RELN: variants seen among roughly 807,000 people sequenced by gnomAD.
RELN encodes the protein reelin.
Under a neutral mutation model 427.6 loss-of-function variants are expected in RELN, and 108 were observed. The ratio of observed to expected loss-of-function variants is 0.25; its 90% CI spans 0.22 to 0.30. The LOEUF (loss-of-function observed/expected upper bound fraction) is 0.30, where lower values mean the gene tolerates loss of function less well. RELN is among the 10% of genes least tolerant of loss of function. The pLI, the probability that RELN is intolerant of heterozygous loss-of-function variation, is 1.00. For missense variants in RELN, 3,715 were observed against 4,302.8 expected (o/e 0.86, Z 3.82); for synonymous variants, 1,524 against 1,513.4 (o/e 1.01, Z -0.16).
intron 29 of RELN, among the ~76,000 whole-genome samples, chr7:103,575,283 A>G (rs1830974022): frequency 6.6e-6 from 1 of 152,264 alleles, no homozygotes; most frequent in Admixed American, 6.5e-5. Flanking sequence ...GTAGGACCTC[A>G]AGCAGTATTA....
chr7:103,909,664 A>AAT lies in RELN; in HGVS notation c.337+7409_337+7410dup, dbSNP rs1299303087. 3.1e-3 allele frequency among the ~76,000 whole-genome samples: 237 copies of AAT among 77,092 alleles called. 64 individuals are homozygous for AAT. Among genetic ancestry groups the AAT allele is most frequent in the African/African-American group, 0.017 (229 of 13,702 alleles). The allele number at this position is 77,092 out of a possible 152,430, so 50.6% of individuals were successfully genotyped here. A position where few individuals can be genotyped will look rare whatever the true frequency, so the allele number is the denominator to read the frequency against. On this transcript the variant is annotated intron_variant, in intron 2 of 64. Transcript: ENST00000428762. ...TAAATATATATATTTAATATATATA[A>AAT]ATATATATTAAATATATTTAATAAA...
chr7:103,901,202 G>A (rs1430714252), intron 2 of RELN, among the ~76,000 whole-genome samples: 1 of 152,026 alleles, frequency 6.6e-6, no homozygotes, highest in Admixed American at 6.6e-5. Flanking sequence ...ACCACAATGA[G>A]ATACCACTTC....
Position 103,472,358 on chromosome 7 carries a change from G to C in RELN, c.*454C>G, listed in dbSNP as rs1253091418. On this transcript the variant is annotated 3_prime_UTR_variant, in exon 65 of 65. Coordinates refer to ENST00000428762, the MANE Select transcript of RELN (RefSeq NM_005045.4). ...AGTTTCAATGTGTTGTATTGTAGAA[G>C]AGAATACATAAAGGACAAACAATGA... The C allele has an allele frequency of 9.7e-6, 2 of 206,180 alleles. No homozygotes were observed. Among genetic ancestry groups the C allele is most frequent in the African/African-American group, 4.7e-5 (2 of 42,396 alleles). 12.8% of individuals were successfully genotyped at this position (206,180 alleles called of 1,614,324 possible).
In RELN at chr7:103,833,211, C is replaced by T. The variant is rs39368; in HGVS notation, c.473+326G>A. Among the ~76,000 whole-genome samples, 57,440 of 151,792 alleles carry T rather than the reference C, an allele frequency of 0.38. 11,219 individuals carry two copies. Among genetic ancestry groups the T allele is most frequent in the Non-Finnish European group, 0.42 (28,732 of 67,932 alleles). On this transcript the variant is annotated intron_variant, in intron 3 of 64. Coordinates refer to ENST00000428762, the MANE Select transcript of RELN (RefSeq NM_005045.4). ...TTCCAAATTTACTTCTCCTAACTGA[C>T]ACTTGGTACCCTTTAAAAAATTTCT...
rs762887200 is a variant in RELN at position 103,496,497 on chromosome 7, A to G, written c.9193+29T>C. The G allele has an allele frequency of 3.1e-6, 5 of 1,614,100 alleles. No homozygotes were observed. In the East Asian group the frequency reaches 1.1e-4, roughly 36 times the overall value. ...TAAGCAGAAAAATGGCTCACAGGAAAGAAAATTGTTCAATGTCTTGTTTCT... is the reference window on the plus strand; with the variant it reads ...TAAGCAGAAAAATGGCTCACAGGAAGGAAAATTGTTCAATGTCTTGTTTCT... On this transcript the variant is annotated intron_variant, in intron 56 of 64. Transcript: ENST00000428762.
At chr7:103,518,504 A>ATTTTTTTTTTTTTTTTTTTTT (rs1584258670) in intron 49 of RELN, among the ~76,000 whole-genome samples, 2 of 89,956 alleles carry the variant, frequency 2.2e-5, no homozygotes, top group African/African-American at 2.4e-4. Flanking sequence ...AGGTAATTTA[A>ATTTTTTTTTTTTTTTTTTTTT]GTTTTTTTTT....
At chr7:103,492,382 CCTAA>C (rs1306863505) in intron 57 of RELN, among the ~76,000 whole-genome samples, 3 of 152,054 alleles carry the variant, frequency 2.0e-5, no homozygotes, top group Non-Finnish European at 4.4e-5. Flanking sequence ...TCATTGATAG[CCTAA>C]CTTTCTTGAT....
chr7:103,602,750 C>T (rs1384181067), intron 24 of RELN, among the ~76,000 whole-genome samples: 2 of 152,014 alleles, frequency 1.3e-5, no homozygotes, highest in African/African-American at 4.8e-5. Context: ...TTGATGGGTA[C>T]AGCAAACCAC....
At chr7:103,545,728 A>G (rs550515306) in intron 41 of RELN, among the ~76,000 whole-genome samples, 1 of 151,664 alleles carries the variant, frequency 6.6e-6, no homozygotes, top group Non-Finnish European at 1.5e-5. Flanking sequence ...TGCAACCTCC[A>G]TCTCCCGGGT....
chr7:103,920,529 A>C (rs2116680661), intron 1 of RELN, among the ~76,000 whole-genome samples: 1 of 151,572 alleles, frequency 6.6e-6, no homozygotes, highest in East Asian at 1.9e-4. Flanking sequence ...GCCAAGTCTA[A>C]GTAGTGGGTA....
At chr7:103,800,831 T>C (rs1792444949) in intron 3 of RELN, among the ~76,000 whole-genome samples, 1 of 152,138 alleles carries the variant, frequency 6.6e-6, no homozygotes, top group Non-Finnish European at 1.5e-5. Flanking sequence ...AATCTACTCA[T>C]CTGACAAAGG....
chr7:103,989,056 G>A lies in RELN; in HGVS notation c.226+75C>T, dbSNP rs932544674. On this transcript the variant is annotated intron_variant, in intron 1 of 64. Coordinates refer to ENST00000428762, the MANE Select transcript of RELN (RefSeq NM_005045.4). The surrounding 1 kb of genome is among the most constrained non-coding windows in gnomAD (Gnocchi z 4.9). Reference sequence around the variant, plus strand: ...TTCTTGTTTCCAAGGCCCCTTGGAAGAAGGAAAGGGATGAGAAAGGTGCGC... The same window carrying A: ...TTCTTGTTTCCAAGGCCCCTTGGAAAAAGGAAAGGGATGAGAAAGGTGCGC... 14 of 1,337,714 alleles carry A rather than the reference G, an allele frequency of 1.0e-5. No individual in the cohort carries two copies. Among genetic ancestry groups the A allele is most frequent in the Non-Finnish European group, 1.5e-5 (14 of 930,924 alleles). 82.9% of individuals were successfully genotyped at this position (1,337,714 alleles called of 1,614,324 possible).
chr7:103,692,495 TG>T (rs1833892847), intron 10 of RELN, among the ~76,000 whole-genome samples: 1 of 152,226 alleles, frequency 6.6e-6, no homozygotes, highest in African/African-American at 2.4e-5. Flanking sequence ...TAGTTGGGAT[TG>T]GGGGTGGTGA....
At chr7:103,701,090 T>A in intron 8 of RELN, 84 bp from the exon 9 acceptor site, 1 of 823,722 alleles carries the variant, frequency 1.2e-6, no homozygotes, top group Non-Finnish European at 2.1e-6. Context: ...TTTTAGATAA[T>A]TTTTAAACTA....
chr7:103,822,459 C>G (rs1793037762), intron 3 of RELN, among the ~76,000 whole-genome samples: 2 of 151,892 alleles, frequency 1.3e-5, no homozygotes, highest in Non-Finnish European at 2.9e-5. Context: ...TCCAGAGCAC[C>G]TAAGATACTG....
chr7:103,580,504 T>A (rs1831105278), intron 28 of RELN, among the ~76,000 whole-genome samples: 1 of 152,212 alleles, frequency 6.6e-6, no homozygotes, highest in South Asian at 2.1e-4. Context: ...TGCTCTTACT[T>A]CCAACTGGGT....
chr7:103,956,316 G>A (rs1796433484), intron 1 of RELN, among the ~76,000 whole-genome samples: 1 of 152,146 alleles, frequency 6.6e-6, no homozygotes, highest in African/African-American at 2.4e-5. Flanking sequence ...TGAAAGATGT[G>A]CAAACACAGT....
Position 103,663,959 on chromosome 7 carries a change from C to G in RELN, c.1290-2432G>C, listed in dbSNP as rs1221975965. On this transcript the variant is annotated intron_variant, in intron 11 of 64. Coordinates refer to ENST00000428762, the MANE Select transcript of RELN (RefSeq NM_005045.4). Reference sequence around the variant, plus strand: ...TCCCTTACTCATACTCTTTCTCTACCCTTGCTACCAGTCTGTCCGATTCCT... The same window carrying G: ...TCCCTTACTCATACTCTTTCTCTACGCTTGCTACCAGTCTGTCCGATTCCT... Among the ~76,000 whole-genome samples the G allele has an allele frequency of 3.9e-5, 6 of 152,248 alleles. No homozygotes were observed. In the East Asian group the frequency reaches 9.7e-4, roughly 25 times the overall value.
intron 24 of RELN, among the ~76,000 whole-genome samples, chr7:103,598,738 C>T (rs191966431): frequency 6.6e-6 from 1 of 152,200 alleles, no homozygotes; most frequent in South Asian, 2.1e-4. Flanking sequence ...TAGAGAATAG[C>T]ACAAATCATT....
Sources: allele counts gnomAD v4.1 joint callset (sites outside exome capture counted in the v4.1 genomes callset), GRCh38; gene constraint gnomAD v4.1.1; non-coding constraint Gnocchi (gnomAD v3.1); transcripts MANE v1.5; gene names NCBI Gene and HGNC (gene_info 2026-07-23, HGNC 2026-07-21).